The following DNER variants were observed in gnomAD, a reference collection of about 807,000 sequenced individuals.
DNER encodes the protein delta and Notch-like epidermal growth factor-related receptor.
A neutral mutation model predicts 78.2 loss-of-function variants in DNER; 33 were observed. The ratio of observed to expected loss-of-function variants is 0.42; its 90% CI spans 0.32 to 0.56. The LOEUF is 0.56. Among genes scored for constraint, DNER ranks in the 20% least tolerant of loss-of-function variants. DNER has a pLI of 0.11. For synonymous variants in DNER, 417 were observed against 384.8 expected, an observed-to-expected ratio of 1.08 and a Z score of -0.98; for missense variants, 918 against 975.3, an observed-to-expected ratio of 0.94 and a Z score of 0.78.
chr2:229,541,353 T>C (rs540301989), intron 5 of DNER, among the ~76,000 whole-genome samples: 2 of 152,270 alleles, frequency 1.3e-5, no homozygotes, highest in African/African-American at 4.8e-5. Context: ...GTGGTTAATT[T>C]TATGTATCAA....
chr2:229,656,184 T>C (rs1241081196), intron 1 of DNER, among the ~76,000 whole-genome samples: 2 of 152,170 alleles, frequency 1.3e-5, no homozygotes, highest in Non-Finnish European at 2.9e-5. Flanking sequence ...AAGCCATCCT[T>C]TGCCTGTGGT....
intron 11 of DNER, among the ~76,000 whole-genome samples, chr2:229,372,511 G>C (rs1045295574): frequency 1.3e-5 from 2 of 152,200 alleles, no homozygotes; most frequent in African/African-American, 4.8e-5. Context: ...ATGACTGCTT[G>C]AGAGAGAGGC....
At chr2:229,452,241 A>C (rs928890135) in intron 7 of DNER, among the ~76,000 whole-genome samples, 5 of 152,238 alleles carry the variant, frequency 3.3e-5, no homozygotes, top group Non-Finnish European at 5.9e-5. Flanking sequence ...GTGAAGGCCA[A>C]TTTGTAGCAA....
At chr2:229,389,790 T>C (rs114565588) in intron 10 of DNER, among the ~76,000 whole-genome samples, 4,438 of 152,350 alleles carry the variant, frequency 0.029, 221 homozygotes, top group African/African-American at 0.1. Context: ...CATCTTACTA[T>C]TTTATTTTTA....
chr2:229,516,558 T>A (rs543328622), intron 5 of DNER, among the ~76,000 whole-genome samples: 45 of 152,202 alleles, frequency 3.0e-4, no homozygotes, highest in African/African-American at 1.0e-3. Flanking sequence ...CAGAGATTAA[T>A]TTAAAAACCC....
chr2:229,677,447 T>C (rs779176555), intron 1 of DNER, among the ~76,000 whole-genome samples: 1 of 152,190 alleles, frequency 6.6e-6, no homozygotes, highest in Non-Finnish European at 1.5e-5. Flanking sequence ...ATCCCTGTTT[T>C]GACTCTCATT....
At chr2:229,506,349 C>T (rs1288197946) in intron 6 of DNER, among the ~76,000 whole-genome samples, 1 of 152,036 alleles carries the variant, frequency 6.6e-6, no homozygotes, top group African/African-American at 2.4e-5. Flanking sequence ...ATGGGGGAAA[C>T]TGCCCCCATG....
rs1185141721 is a variant in DNER, at chr2:229,591,021, T to C, written c.585+559A>G. Among the ~76,000 whole-genome samples the C allele has an allele frequency of 6.6e-6, 1 of 152,220 alleles. No homozygotes were observed. Among genetic ancestry groups the C allele is most frequent in the East Asian group, 1.9e-4 (1 of 5,192 alleles). On this transcript the variant is annotated intron_variant, in intron 2 of 12. Transcript: ENST00000341772. This position sits in a 1 kb window ranked among gnomAD's most constrained non-coding sequence, Gnocchi z 4.6. ...ACTGGCTCCCCTTTGCCTTCCGCCA[T>C]GATTGTAAGCTTCCAGAGGCTCAGC... is the stretch of plus-strand genomic sequence containing the variant.
At chr2:229,378,902 G>T (rs538342933) in intron 11 of DNER, among the ~76,000 whole-genome samples, 1 of 152,146 alleles carries the variant, frequency 6.6e-6, no homozygotes, top group Non-Finnish European at 1.5e-5. Flanking sequence ...TTTCAGCTAT[G>T]TGTCATCCGC....
chr2:229,547,001 G>C lies in DNER; in HGVS notation c.939C>G (p.His313Gln), dbSNP rs551240966. The change falls in exon 5 of 13, where the codon CAC becomes CAG. Residue 313 changes from histidine (H) to glutamine (Q), a missense_variant. His to Gln is a conservative substitution (Grantham distance 24). Transcript: ENST00000341772. ...TTCCTGAACACTCCAAGTCATTTGC[G>C]TGACTCTCCCCCGGCACACAGGTGC... ...KVSTCVPGES[H>Q]ANDLECSGKG... 3.1e-6 allele frequency: 5 copies of C among 1,614,098 alleles called. No individual in the cohort carries two copies. In the South Asian group the frequency reaches 5.5e-5, roughly 18 times the overall value.
Position 229,550,704 on chromosome 2 carries a change from G to A in DNER, c.848-3612C>T, listed in dbSNP as rs1055428369. 5.3e-5 allele frequency among the ~76,000 whole-genome samples: 8 copies of A among 152,264 alleles called. No individual in the cohort carries two copies. The East Asian group carries it at 1.5e-3, about 29-fold the overall frequency. ...GGCAGGGGAATCGCTTGAACCGGGAGGCGGAGGTTGCAGTGAGCCGAGATT... is the reference window on the plus strand; with the variant it reads ...GGCAGGGGAATCGCTTGAACCGGGAAGCGGAGGTTGCAGTGAGCCGAGATT... On this transcript the variant is annotated intron_variant, in intron 4 of 12. Coordinates refer to ENST00000341772, the MANE Select transcript of DNER (RefSeq NM_139072.4).
At chr2:229,482,277 G>A (rs930359079) in intron 6 of DNER, among the ~76,000 whole-genome samples, 6 of 152,138 alleles carry the variant, frequency 3.9e-5, no homozygotes, top group African/African-American at 1.4e-4. Flanking sequence ...CTCCAGCAAT[G>A]GTCGCCCAGC....
At chr2:229,494,101 A>G (rs1344286228) in intron 6 of DNER, among the ~76,000 whole-genome samples, 1 of 152,236 alleles carries the variant, frequency 6.6e-6, no homozygotes, top group Non-Finnish European at 1.5e-5. Flanking sequence ...ATATAGCCCA[A>G]TTTTAAAGGG....
chr2:229,651,400 CAGAGGA>C (rs1698814643), intron 1 of DNER, among the ~76,000 whole-genome samples: 1 of 152,252 alleles, frequency 6.6e-6, no homozygotes, highest in Admixed American at 6.5e-5. Context: ...CTATGGTTCT[CAGAGGA>C]CACTTGCGTG....
chr2:229,603,902 C>A (rs6743564), intron 1 of DNER, among the ~76,000 whole-genome samples: 87,561 of 151,980 alleles, frequency 0.58, 25,400 homozygotes, highest in African/African-American at 0.62. Flanking sequence ...ATGAAACTAA[C>A]TTGCCTCTAC....
intron 1 of DNER, 137 bp from the exon 2 acceptor site, chr2:229,592,025 G>A: frequency 8.4e-7 from 1 of 1,190,486 alleles, no homozygotes; most frequent in Non-Finnish European, 1.1e-6. Context: ...TTAACTACTT[G>A]TGCTGTTGTG....
chr2:229,420,745 AAAAC>A (rs375555631), intron 8 of DNER, among the ~76,000 whole-genome samples: 86 of 152,220 alleles, frequency 5.6e-4, no homozygotes, highest in African/African-American at 2.1e-3. Context: ...AAAACAAAAC[AAAAC>A]AAACAAAAAC....
At chr2:229,465,949 G>A (rs1694795955) in intron 7 of DNER, among the ~76,000 whole-genome samples, 1 of 151,936 alleles carries the variant, frequency 6.6e-6, no homozygotes, top group Admixed American at 6.6e-5. Context: ...CCTTCTCCTT[G>A]TCCTCTTATA....
intron 10 of DNER, among the ~76,000 whole-genome samples, chr2:229,404,002 G>A (rs1380642309): frequency 6.6e-6 from 1 of 152,156 alleles, no homozygotes; most frequent in Non-Finnish European, 1.5e-5. Context: ...AGATGATCAT[G>A]CATAAGGTCT....
Sources: allele counts gnomAD v4.1 joint callset (sites outside exome capture counted in the v4.1 genomes callset), GRCh38; gene constraint gnomAD v4.1.1; non-coding constraint Gnocchi (gnomAD v3.1); transcripts MANE v1.5; gene names NCBI Gene and HGNC (gene_info 2026-07-23, HGNC 2026-07-21).